LRRC75A: variants seen among roughly 807,000 people sequenced by gnomAD.
LRRC75A encodes the protein leucine rich repeat containing 75A, also known as leucine-rich repeat-containing protein 75A.
A neutral mutation model predicts 26.0 loss-of-function variants in LRRC75A; 12 were observed. That is an observed-to-expected ratio of 0.46 (90% CI 0.30 to 0.75). LRRC75A has a LOEUF of 0.75. Ranked by LOEUF, LRRC75A falls within the 30% of genes least tolerant of loss-of-function variation. The pLI, the probability that LRRC75A is intolerant of heterozygous loss-of-function variation, is 0.08. For missense variants in LRRC75A, 410 were observed against 486.6 expected (o/e 0.84, Z 1.48); for synonymous variants, 223 against 219.3 (o/e 1.02, Z -0.15).
At chr17:16,444,252 A>C (rs1601058796) in intron 3 of LRRC75A, 121 bp from the exon 4 acceptor site, 2 of 827,442 alleles carry the variant, frequency 2.4e-6, no homozygotes, top group Non-Finnish European at 3.7e-6. Context: ...AAACACTTGG[A>C]TGTCGGATGC....
In LRRC75A at chr17:16,470,517, C is replaced by T. The variant is rs557410624; in HGVS notation, c.247-8131G>A. ...AGGAAGCAGAACCAGGCTGCTCCCC[C>T]TCCTGGCTCTAGAACATCACTGGCA... On this transcript the variant is annotated intron_variant, in intron 1 of 3. Coordinates refer to ENST00000470794, the MANE Select transcript of LRRC75A (RefSeq NM_001113567.3). 8 of 152,376 alleles carry T rather than the reference C, an allele frequency of 5.3e-5. 1 individual carries two copies. The East Asian group carries it at 1.5e-3, about 29-fold the overall frequency. The allele number at this position is 152,376 out of a possible 1,614,324, so 9.4% of individuals were successfully genotyped here.
intron 1 of LRRC75A, among the ~76,000 whole-genome samples, chr17:16,490,643 G>A (rs2093855383): frequency 1.3e-5 from 2 of 152,102 alleles, no homozygotes; most frequent in South Asian, 4.1e-4. Context: ...ACCCAAGAGG[G>A]ATGTGGGTCT....
In LRRC75A at chr17:16,474,978, G is replaced by A. The variant is rs1028057052; in HGVS notation, c.247-12592C>T. Among the ~76,000 whole-genome samples, 61 of 149,874 alleles carry A rather than the reference G, an allele frequency of 4.1e-4. 2 individuals are homozygous for A. Among genetic ancestry groups the A allele is most frequent in the Admixed American group, 1.3e-4 (2 of 15,086 alleles). ...ACCGCTGCACTCCAGCCTGGGCAAC[G>A]GTGCAAGACTCCGTCTCAAAAAAAA... On this transcript the variant is annotated intron_variant, in intron 1 of 3. Coordinates refer to ENST00000470794, the MANE Select transcript of LRRC75A (RefSeq NM_001113567.3).
At chr17:16,464,776 G>A (rs1030036879) in intron 1 of LRRC75A, among the ~76,000 whole-genome samples, 6 of 152,064 alleles carry the variant, frequency 3.9e-5, no homozygotes, top group African/African-American at 1.2e-4. Flanking sequence ...GTGTGGACAC[G>A]AGGGACCCCG....
chr17:16,443,329 G>GA lies in LRRC75A; in HGVS notation c.*258dup, dbSNP rs2093550241. Reference sequence around the variant, plus strand: ...TTTGGGGAAGGCCATGAGCTGAGCTGAGAGGGTTCTCTGGGGCCTGGGATG... The same window carrying GA: ...TTTGGGGAAGGCCATGAGCTGAGCTGAAGAGGGTTCTCTGGGGCCTGGGATG... On this transcript the variant is annotated 3_prime_UTR_variant, in exon 4 of 4. Transcript: ENST00000470794. 1 of 477,124 alleles carries GA rather than the reference G, an allele frequency of 2.1e-6. No individual in the cohort carries two copies. The highest frequency in any genetic ancestry group is 3.2e-5 in the East Asian group (1 of 31,340). The allele number at this position is 477,124 out of a possible 1,614,324, so 29.6% of individuals were successfully genotyped here.
intron 2 of LRRC75A, among the ~76,000 whole-genome samples, chr17:16,453,322 ACACACGCACACG>A (rs1221590394): frequency 8.2e-4 from 114 of 139,382 alleles, no homozygotes; most frequent in African/African-American, 3.1e-3. Flanking sequence ...GCACACACGC[ACACACGCACACG>A]CACACACGCA....
intron 2 of LRRC75A, among the ~76,000 whole-genome samples, chr17:16,454,180 C>G (rs1017910711): frequency 6.7e-6 from 1 of 149,844 alleles, no homozygotes; most frequent in African/African-American, 2.5e-5. Context: ...CACCTGAGGT[C>G]AGGAGTTCGA....
At chr17:16,461,795 C>T (rs1287853010) in intron 2 of LRRC75A, among the ~76,000 whole-genome samples, 2 of 152,218 alleles carry the variant, frequency 1.3e-5, no homozygotes, top group Non-Finnish European at 2.9e-5. Flanking sequence ...CACCAGGGCT[C>T]ATGGCTTGGT....
chr17:16,480,486 G>A (rs914078592), intron 1 of LRRC75A, among the ~76,000 whole-genome samples: 18 of 151,900 alleles, frequency 1.2e-4, no homozygotes, highest in African/African-American at 3.6e-4. Context: ...AAAATTAGCC[G>A]GGCATGGTGG....
intron 1 of LRRC75A, among the ~76,000 whole-genome samples, chr17:16,474,692 G>T (rs2093815391): frequency 6.6e-6 from 1 of 152,048 alleles, no homozygotes; most frequent in African/African-American, 2.4e-5. Context: ...CAAGTGAAAT[G>T]AAACATTTGG....
chr17:16,458,305 A>AAAAGAAAG (rs759863256), intron 2 of LRRC75A, among the ~76,000 whole-genome samples: 2 of 151,972 alleles, frequency 1.3e-5, no homozygotes, highest in Non-Finnish European at 2.9e-5. Flanking sequence ...AGACTCTGTC[A>AAAAGAAAG]AAAGAAAGAA....
chr17:16,466,217 G>A (rs148597839), intron 1 of LRRC75A, among the ~76,000 whole-genome samples: 2 of 152,328 alleles, frequency 1.3e-5, no homozygotes, highest in African/African-American at 4.8e-5. Flanking sequence ...ACTACCCACA[G>A]GGCTGGGTGT....
At chr17:16,459,779 G>T (rs2093713700) in intron 2 of LRRC75A, among the ~76,000 whole-genome samples, 1 of 152,160 alleles carries the variant, frequency 6.6e-6, no homozygotes, top group South Asian at 2.1e-4. Flanking sequence ...GGTGGATGGA[G>T]GGGCTGCTCC....
At chr17:16,490,650 G>A (rs978655580) in intron 1 of LRRC75A, among the ~76,000 whole-genome samples, 1 of 152,152 alleles carries the variant, frequency 6.6e-6, no homozygotes, top group East Asian at 1.9e-4. Flanking sequence ...AGGGATGTGG[G>A]TCTGATTAGA....
intron 3 of LRRC75A, chr17:16,446,810 C>A: frequency 4.2e-6 from 1 of 239,184 alleles, no homozygotes. Flanking sequence ...CCCCGTCTTG[C>A]TGTATCCCCA....
rs1301207594 is a variant in LRRC75A, at chr17:16,491,825, C to G, written c.166G>C (p.Gly56Arg). Residue 56 changes from glycine to arginine, a missense_variant, in exon 1 of 4, where the codon GGC becomes CGC. Gly to Arg is a moderately radical substitution (Grantham distance 125). Coordinates refer to ENST00000470794, the MANE Select transcript of LRRC75A (RefSeq NM_001113567.3). This position sits in a 1 kb window ranked among gnomAD's most constrained non-coding sequence, Gnocchi z 5.9. The stretch of plus-strand genomic sequence containing the variant: ...ATCCGCAGCAGCTCCTGGACCATGC[C>G]GACTCGCCGGTGGTAGGGGGGCATC... ...AGMPPYHRRV[G>R]MVQELLRMVR... The G allele has an allele frequency of 1.1e-5, 15 of 1,410,646 alleles. No individual in the cohort carries two copies. Among genetic ancestry groups the G allele is most frequent in the Non-Finnish European group, 1.3e-5 (14 of 1,079,250 alleles). 87.4% of individuals were successfully genotyped at this position (1,410,646 alleles called of 1,614,324 possible). A position where few individuals can be genotyped will look rare whatever the true frequency, so the allele number is the denominator to read the frequency against.
chr17:16,484,134 G>A (rs972943311), intron 1 of LRRC75A, among the ~76,000 whole-genome samples: 11 of 151,940 alleles, frequency 7.2e-5, no homozygotes, highest in East Asian at 1.9e-4. Context: ...TCAAGAGATC[G>A]AGACCATCCT....
intron 1 of LRRC75A, among the ~76,000 whole-genome samples, chr17:16,474,223 C>T (rs1046379860): frequency 6.6e-6 from 1 of 152,164 alleles, no homozygotes; most frequent in African/African-American, 2.4e-5. Flanking sequence ...CTGGGCAAGC[C>T]ACCCTCCTAC....
At position 16,441,912 on chromosome 17, in the gene LRRC75A, T is replaced by G. The variant is rs1181765283; in HGVS notation, c.*1676A>C. ...ATTGACTTTCATAAATTGGTTATGT[T>G]GGTGGGCAAAGTTCTTTAAGCTGGA... On this transcript the variant is annotated 3_prime_UTR_variant, in exon 4 of 4. Transcript: ENST00000470794. The G allele has an allele frequency of 4.6e-4, 1 of 2,160 alleles. No homozygotes were observed. Among genetic ancestry groups the G allele is most frequent in the East Asian group, 0.028 (1 of 36 alleles). The allele number at this position is 2,160 out of a possible 1,614,324, so 0.1% of individuals were successfully genotyped here.
Sources: gnomAD v4.1 joint callset for allele counts (sites outside exome capture counted in the v4.1 genomes callset) on GRCh38, gnomAD v4.1.1 for gene constraint, Gnocchi (gnomAD v3.1) non-coding constraint, MANE v1.5 for transcripts, NCBI Gene and HGNC (gene_info 2026-07-23, HGNC 2026-07-21) for gene names.